GPHN: variants seen among roughly 807,000 people sequenced by gnomAD.
GPHN encodes gephyrin.
Under a neutral mutation model 95.5 loss-of-function variants are expected in GPHN, and 17 were observed. The ratio of observed to expected loss-of-function variants is 0.18; its 90% CI spans 0.12 to 0.27. The LOEUF (loss-of-function observed/expected upper bound fraction) is 0.27. Ranked by LOEUF, GPHN falls within the 10% of genes least tolerant of loss-of-function variation. The pLI is 1.00. For synonymous variants in GPHN, 320 were observed against 322.5 expected, an observed-to-expected ratio of 0.99 and a Z score of 0.08; for missense variants, 660 against 978.1, an observed-to-expected ratio of 0.67 and a Z score of 4.34.
intron 1 of GPHN, among the ~76,000 whole-genome samples, chr14:66,655,336 T>C (rs2065246444): frequency 6.6e-6 from 1 of 152,190 alleles, no homozygotes; most frequent in Non-Finnish European, 1.5e-5. Flanking sequence ...TTTGTAGATG[T>C]ACACCTACCT....
intron 2 of GPHN, among the ~76,000 whole-genome samples, chr14:66,714,835 C>T (rs1449874400): frequency 6.6e-6 from 1 of 152,114 alleles, no homozygotes; most frequent in Non-Finnish European, 1.5e-5. Flanking sequence ...CCCACTTGAT[C>T]ATGGTGGATT....
At chr14:67,729,141 T>C in the GPHN span, 1 of 1,586,090 alleles carries the variant, frequency 6.3e-7, no homozygotes, top group South Asian at 1.1e-5. Flanking sequence ...TAAGCTGTTT[T>C]CCTGGGCTCA....
intron 3 of GPHN, among the ~76,000 whole-genome samples, chr14:66,808,981 A>T (rs1007975045): frequency 6.6e-6 from 1 of 152,210 alleles, no homozygotes; most frequent in Non-Finnish European, 1.5e-5. Context: ...CAGAAGTTCA[A>T]GTGTGGCTAA....
At chr14:66,591,779 T>A (rs2061659480) in intron 1 of GPHN, among the ~76,000 whole-genome samples, 1 of 152,196 alleles carries the variant, frequency 6.6e-6, no homozygotes, top group Admixed American at 6.5e-5. Context: ...TACCATTAAC[T>A]TTCTTCACAG....
At chr14:67,424,833 C>T in the GPHN span, among the ~76,000 whole-genome samples, 1 of 152,138 alleles carries the variant, frequency 6.6e-6, no homozygotes, top group Non-Finnish European at 1.5e-5. Context: ...ATGCTTCTAC[C>T]CTGTGTCTGG....
At chr14:67,541,867 C>A in the GPHN span, 1 of 1,596,578 alleles carries the variant, frequency 6.3e-7, no homozygotes, top group Non-Finnish European at 8.5e-7. Context: ...TCGATTCCAT[C>A]ATGGCAGAAC....
chr14:67,589,588 A>G, the GPHN span: 1 of 985,824 alleles, frequency 1.0e-6, no homozygotes, highest in Middle Eastern at 5.2e-4. Context: ...TAAGCCCTGT[A>G]CAGAACACAG....
chr14:67,714,434 G>C, the GPHN span: 2 of 152,110 alleles, frequency 1.3e-5, no homozygotes, highest in African/African-American at 4.8e-5. Context: ...TCTGTGCCCA[G>C]CTTTGTTTTA....
chr14:67,424,505 G>T, the GPHN span, among the ~76,000 whole-genome samples: 8 of 151,610 alleles, frequency 5.3e-5, no homozygotes, highest in East Asian at 1.9e-4. Flanking sequence ...AGGCTGAGGT[G>T]GGGGGAGTGC....
At chr14:66,694,501 CCTG>C in intron 2 of GPHN, among the ~76,000 whole-genome samples, 1 of 152,202 alleles carries the variant, frequency 6.6e-6, no homozygotes, top group East Asian at 1.9e-4. Flanking sequence ...TGCTGGAACA[CCTG>C]GACATCTGCA....
At chr14:66,607,377 T>G (rs2062584113) in intron 1 of GPHN, among the ~76,000 whole-genome samples, 1 of 152,038 alleles carries the variant, frequency 6.6e-6, no homozygotes. Context: ...TTCGCTAGTT[T>G]TTTTTTGTAT....
chr14:67,625,521 C>A, the GPHN span, among the ~76,000 whole-genome samples: 4,610 of 149,926 alleles, frequency 0.031, 223 homozygotes, highest in African/African-American at 0.1. Context: ...ACTAAAAATA[C>A]AAAAAAAAAT....
chr14:67,068,635 A>G (rs1369135228), intron 11 of GPHN, among the ~76,000 whole-genome samples: 1 of 152,088 alleles, frequency 6.6e-6, no homozygotes, highest in Non-Finnish European at 1.5e-5. Context: ...TGGGAATTTT[A>G]TGTTAGATTA....
At chr14:67,256,021 A>G in the GPHN span, among the ~76,000 whole-genome samples, 1 of 152,192 alleles carries the variant, frequency 6.6e-6, no homozygotes, top group African/African-American at 2.4e-5. Context: ...TGTAATTTAA[A>G]GTTTCAATAT....
At chr14:67,174,522 A>G (rs1251866160) in intron 21 of GPHN, among the ~76,000 whole-genome samples, 1 of 152,122 alleles carries the variant, frequency 6.6e-6, no homozygotes, top group Non-Finnish European at 1.5e-5. Flanking sequence ...GCTGCTGTGA[A>G]TAGTGTCGCG....
chr14:66,776,710 G>T (rs184152927), intron 3 of GPHN, among the ~76,000 whole-genome samples, 189 bp downstream of exon 3: 2 of 152,120 alleles, frequency 1.3e-5, no homozygotes, highest in Admixed American at 6.6e-5. Flanking sequence ...CATTTGCAAT[G>T]AATTTCTGAC....
At chr14:67,403,787 C>T in the GPHN span, among the ~76,000 whole-genome samples, 8,605 of 152,272 alleles carry the variant, frequency 0.057, 499 homozygotes, top group African/African-American at 0.14. Flanking sequence ...TGCAGTGGCT[C>T]ACGCCTATAA....
intron 9 of GPHN, among the ~76,000 whole-genome samples, chr14:66,978,109 T>TA (rs2070385540): frequency 1.3e-5 from 2 of 152,226 alleles, no homozygotes; most frequent in Non-Finnish European, 2.9e-5. Context: ...AATTAAAAAA[T>TA]ACGTTAGTCC....
intron 2 of GPHN, among the ~76,000 whole-genome samples, chr14:66,732,440 T>G (rs1290723120): frequency 6.6e-6 from 1 of 152,202 alleles, no homozygotes; most frequent in African/African-American, 2.4e-5. Context: ...TGTAGCCCCT[T>G]TGTTTTGGCC....
Sources: gnomAD v4.1 joint callset for allele counts (sites outside exome capture counted in the v4.1 genomes callset) on GRCh38, gnomAD v4.1.1 for gene constraint, MANE v1.5 for transcripts, NCBI Gene and HGNC (gene_info 2026-07-23, HGNC 2026-07-21) for gene names.